The following NCKAP5 variants were observed in gnomAD, a reference collection of about 807,000 sequenced individuals.
NCKAP5 encodes the protein nck-associated protein 5.
A neutral mutation model predicts 167.0 loss-of-function variants in NCKAP5; 92 were observed. The ratio of observed to expected loss-of-function variants is 0.55; its 90% CI spans 0.47 to 0.66. The LOEUF (loss-of-function observed/expected upper bound fraction) is 0.66, where lower values mean the gene tolerates loss of function less well. NCKAP5 is among the 30% of genes least tolerant of loss of function. The pLI is 0.00. For missense variants in NCKAP5, 2,378 were observed against 2,315.0 expected, an observed-to-expected ratio of 1.03 and a Z score of -0.56; for synonymous variants, 891 against 877.4, an observed-to-expected ratio of 1.02 and a Z score of -0.27.
At chr2:133,484,808 A>G (rs1211312327) in intron 3 of NCKAP5, among the ~76,000 whole-genome samples, 8 of 110,504 alleles carry the variant, frequency 7.2e-5, no homozygotes, top group African/African-American at 5.3e-4. Context: ...TTCTAAAATC[A>G]AAAAAAAATT....
chr2:132,923,459 TAAC>T (rs1426387918), intron 8 of NCKAP5, among the ~76,000 whole-genome samples: 1 of 152,214 alleles, frequency 6.6e-6, no homozygotes. Context: ...ATCACCAGCT[TAAC>T]AACATGTGAA....
intron 3 of NCKAP5, among the ~76,000 whole-genome samples, chr2:133,397,086 C>G (rs1687777469): frequency 6.6e-6 from 1 of 152,170 alleles, no homozygotes; most frequent in South Asian, 2.1e-4. Context: ...TCTAATAAAC[C>G]AAAGCATAAC....
intron 3 of NCKAP5, among the ~76,000 whole-genome samples, chr2:133,490,918 G>A (rs1315277120): frequency 6.6e-6 from 1 of 152,226 alleles, no homozygotes; most frequent in African/African-American, 2.4e-5. Context: ...TTTCTGTTAA[G>A]AGGAGTAAGT....
At chr2:132,860,002 A>G (rs1574443785) in intron 11 of NCKAP5, among the ~76,000 whole-genome samples, 1 of 152,156 alleles carries the variant, frequency 6.6e-6, no homozygotes, top group African/African-American at 2.4e-5. Context: ...ACCTGTAAAA[A>G]TACTGAGATA....
upstream of NCKAP5, among the ~76,000 whole-genome samples, chr2:133,571,391 A>C (rs1575173050): frequency 1.3e-5 from 2 of 151,926 alleles, no homozygotes; most frequent in South Asian, 4.2e-4. Context: ...GGCCATCCTC[A>C]CCACCTCTAC....
At chr2:133,140,404 C>T (rs1401991105) in intron 5 of NCKAP5, among the ~76,000 whole-genome samples, 4 of 152,132 alleles carry the variant, frequency 2.6e-5, no homozygotes, top group Non-Finnish European at 5.9e-5. Context: ...TACTCCACAA[C>T]AATCGGTGAA....
intron 7 of NCKAP5, among the ~76,000 whole-genome samples, chr2:132,980,193 T>G (rs1327962763): frequency 6.6e-6 from 1 of 151,878 alleles, no homozygotes. Context: ...AGTTTCACCA[T>G]GTTGCCCAGG....
chr2:132,948,252 C>CG (rs747133650), intron 8 of NCKAP5, among the ~76,000 whole-genome samples: 50 of 152,100 alleles, frequency 3.3e-4, no homozygotes, highest in Non-Finnish European at 4.6e-4. Flanking sequence ...AAGTGGGCCC[C>CG]TTTATGAATG....
At chr2:133,025,629 C>A (rs769438613) in intron 6 of NCKAP5, among the ~76,000 whole-genome samples, 2 of 152,116 alleles carry the variant, frequency 1.3e-5, no homozygotes, top group Non-Finnish European at 2.9e-5. Context: ...AAGGAGCAGA[C>A]CTAGAGAAAG....
chr2:133,288,328 T>C (rs1679315850), intron 4 of NCKAP5, among the ~76,000 whole-genome samples: 1 of 152,196 alleles, frequency 6.6e-6, no homozygotes, highest in Non-Finnish European at 1.5e-5. Flanking sequence ...AGAATTTCTA[T>C]TTTAGAGTGG....
At chr2:132,766,258 GAAAC>G (rs901063736) in intron 16 of NCKAP5, among the ~76,000 whole-genome samples, 2 of 104,760 alleles carry the variant, frequency 1.9e-5, no homozygotes, top group African/African-American at 7.6e-5. Flanking sequence ...CCAGCCTGGC[GAAAC>G]AGTGAGATTC....
In NCKAP5 at chr2:132,790,250, G is replaced by A. The variant is rs756709268; in HGVS notation, c.910-45C>T. 7 of 1,536,014 alleles carry A rather than the reference G, an allele frequency of 4.6e-6. No individual in the cohort carries two copies. The Admixed American group carries it at 7.8e-5, about 17-fold the overall frequency. On this transcript the variant is annotated intron_variant, in intron 12 of 19. Transcript: ENST00000409261. The stretch of plus-strand genomic sequence containing the variant: ...CTGAGCAAGGGCTTTGCTCAGAGGA[G>A]AGTAAATATCAACACAACCTTATGG...
At chr2:133,038,010 T>G (rs193004871) in intron 6 of NCKAP5, among the ~76,000 whole-genome samples, 32 of 152,226 alleles carry the variant, frequency 2.1e-4, no homozygotes, top group African/African-American at 7.5e-4. Flanking sequence ...CCTTGTAAAC[T>G]GTTGGTGGGA....
the NCKAP5 span, among the ~76,000 whole-genome samples, chr2:133,599,799 C>T: frequency 1.3e-5 from 2 of 152,196 alleles, no homozygotes; most frequent in African/African-American, 4.8e-5. Flanking sequence ...CACATGTGTC[C>T]GCCTGGGAAC....
intron 12 of NCKAP5, among the ~76,000 whole-genome samples, chr2:132,795,718 C>T (rs1417583924): frequency 6.7e-6 from 1 of 150,042 alleles, no homozygotes; most frequent in Non-Finnish European, 1.5e-5. Flanking sequence ...ACTTGGGAGG[C>T]TGAGGCAGGA....
At position 133,168,986 on chromosome 2, in the gene NCKAP5, G is replaced by A. The variant is rs1307884515; in HGVS notation, c.208-38875C>T. 2.0e-5 allele frequency among the ~76,000 whole-genome samples: 3 copies of A among 152,152 alleles called. No individual in the cohort carries two copies. In the East Asian group the frequency reaches 5.8e-4, roughly 29 times the overall value. On this transcript the variant is annotated intron_variant, in intron 5 of 19. Transcript: ENST00000409261. ...TCTTGCTGGACAGCCCTGGGACCCAGGGGACATGCTAGTCGTTCTCCATCA... is the reference window on the plus strand; with the variant it reads ...TCTTGCTGGACAGCCCTGGGACCCAAGGGACATGCTAGTCGTTCTCCATCA...
intron 11 of NCKAP5, among the ~76,000 whole-genome samples, chr2:132,849,086 AT>A (rs1688888299): frequency 7.7e-6 from 1 of 130,122 alleles, no homozygotes; most frequent in South Asian, 2.6e-4. Context: ...TTAATTTGGG[AT>A]TTTGTAATTA....
At chr2:132,769,365 T>A (rs949036729) in intron 16 of NCKAP5, among the ~76,000 whole-genome samples, 1 of 152,224 alleles carries the variant, frequency 6.6e-6, no homozygotes, top group Admixed American at 6.5e-5. Context: ...TTGTTCTCTG[T>A]CAAAGACATT....
chr2:133,449,172 T>C (rs1691396526), intron 3 of NCKAP5, among the ~76,000 whole-genome samples: 1 of 152,228 alleles, frequency 6.6e-6, no homozygotes, highest in Non-Finnish European at 1.5e-5. Context: ...TTTACATTCC[T>C]GTTGCCTATT....
Sources: allele counts gnomAD v4.1 joint callset (sites outside exome capture counted in the v4.1 genomes callset), GRCh38; gene constraint gnomAD v4.1.1; transcripts MANE v1.5; gene names NCBI Gene and HGNC (gene_info 2026-07-23, HGNC 2026-07-21).